The following TRPC6 variants were observed in gnomAD, a reference collection of about 807,000 sequenced individuals.
TRPC6 encodes short transient receptor potential channel 6.
In TRPC6, 55 loss-of-function variants were observed where a neutral mutation model predicts 90.7. The observed-to-expected ratio is 0.61, with a 90% confidence interval of 0.49 to 0.76. TRPC6 has a LOEUF of 0.76. Among genes scored for constraint, TRPC6 ranks in the 30% least tolerant of loss-of-function variants. TRPC6 has a pLI of 0.00. For synonymous variants in TRPC6, 393 were observed against 393.0 expected, an observed-to-expected ratio of 1.00 and a Z score of 0.00; for missense variants, 989 against 1,122.7, an observed-to-expected ratio of 0.88 and a Z score of 1.70.
At chr11:101,530,087 C>T (rs1860874513) in intron 1 of TRPC6, among the ~76,000 whole-genome samples, 1 of 152,146 alleles carries the variant, frequency 6.6e-6, no homozygotes, top group Non-Finnish European at 1.5e-5. Flanking sequence ...TAACTCAGCT[C>T]TAGCCCCTCA....
At chr11:101,471,576 G>T (rs1859293065) in intron 8 of TRPC6, among the ~76,000 whole-genome samples, 190 bp from the exon 9 acceptor site, 1 of 152,054 alleles carries the variant, frequency 6.6e-6, no homozygotes, top group Admixed American at 6.6e-5. Flanking sequence ...CTAAAATTTT[G>T]ACAGTCTTGC....
At chr11:101,529,670 A>G (rs1366847136) in intron 1 of TRPC6, among the ~76,000 whole-genome samples, 2 of 152,214 alleles carry the variant, frequency 1.3e-5, no homozygotes, top group East Asian at 1.9e-4. Context: ...TACAATTTTA[A>G]ACATGTTTTT....
At chr11:101,555,516 C>T (rs1317019499) in intron 1 of TRPC6, among the ~76,000 whole-genome samples, 1 of 152,176 alleles carries the variant, frequency 6.6e-6, no homozygotes, top group Admixed American at 6.6e-5. Context: ...TTTCCGCATC[C>T]TGGTATGAAT....
At position 101,473,548 on chromosome 11, in the gene TRPC6, G is replaced by A; in HGVS notation, c.1970C>T (p.Ser657Phe). 1 of 1,613,498 alleles carries A rather than the reference G, an allele frequency of 6.2e-7. No homozygotes were observed. The highest frequency in any genetic ancestry group is 8.5e-7 in the Non-Finnish European group (1 of 1,179,666). The part of the protein sequence containing the change: ...AFMIGMFNLY[S>F]YYIGAKQNEA... ...ATTTTGTTTTGCACCAATGTAGTAG[G>A]AGTAGAGATTGAACATTCCAATCAT... Residue 657 changes from serine to phenylalanine, a missense_variant, in exon 7 of 13, where the codon TCC becomes TTC. Physicochemically the swap from Ser to Phe is radical, Grantham distance 155 (BLOSUM62 -2). Around this residue, in one of 4 missense-constraint regions of TRPC6, gnomAD observed 118 missense variants for 197.6 expected, o/e 0.60. Transcript: ENST00000344327.
intron 4 of TRPC6, among the ~76,000 whole-genome samples, chr11:101,487,578 C>T (rs1215955770): frequency 2.0e-5 from 3 of 151,766 alleles, no homozygotes; most frequent in Middle Eastern, 3.2e-3. Context: ...TTCCACACTC[C>T]ATGTCCATGT....
At position 101,574,311 on chromosome 11, in the gene TRPC6, T is replaced by C. The variant is rs1357442711; in HGVS notation, c.170+9023A>G. On this transcript the variant is annotated intron_variant, in intron 1 of 12. Coordinates refer to ENST00000344327, the MANE Select transcript of TRPC6 (RefSeq NM_004621.6). ...TTTTTAATTATGTGCATAAGAGTTA[T>C]ATATGATCCAAATCTATATCTAATT... Among the ~76,000 whole-genome samples the C allele has an allele frequency of 2.0e-5, 3 of 151,222 alleles. 1 individual carries two copies. Among genetic ancestry groups the C allele is most frequent in the Admixed American group, 2.0e-4 (3 of 15,208 alleles).
chr11:101,518,368 C>A (rs1002060131), intron 1 of TRPC6, among the ~76,000 whole-genome samples: 1 of 151,928 alleles, frequency 6.6e-6, no homozygotes, highest in Non-Finnish European at 1.5e-5. Context: ...ATAATCTAAT[C>A]GAAAAATAGG....
At chr11:101,453,624 C>A (rs1858815076) in intron 12 of TRPC6, 26 bp downstream of exon 12, 1 of 1,610,796 alleles carries the variant, frequency 6.2e-7, no homozygotes, top group Non-Finnish European at 8.5e-7. Flanking sequence ...CATTCAGGGG[C>A]TGATTTGCTT....
intron 4 of TRPC6, among the ~76,000 whole-genome samples, chr11:101,488,379 C>T (rs1028269507): frequency 1.8e-4 from 27 of 152,162 alleles, no homozygotes; most frequent in African/African-American, 6.0e-4. Context: ...TTCTGGTGTA[C>T]TTAGTCCCTA....
In TRPC6 at chr11:101,501,030, G is replaced by C. The variant is rs143575857; in HGVS notation, c.945+2994C>G. Among the ~76,000 whole-genome samples the C allele has an allele frequency of 7.2e-3, 1,089 of 152,090 alleles. 3 individuals are homozygous for C. Among genetic ancestry groups the C allele is most frequent in the Non-Finnish European group, 0.011 (780 of 67,996 alleles). On this transcript the variant is annotated intron_variant, in intron 2 of 12. Transcript: ENST00000344327. ...AAAAAATAGGTATCAATTTTAAACT[G>C]TGTGAATGAACACAGTTTTTCAAAC...
chr11:101,572,862 G>C (rs73584499), intron 1 of TRPC6, among the ~76,000 whole-genome samples: 4,345 of 152,184 alleles, frequency 0.029, 121 homozygotes, highest in African/African-American at 0.068. Context: ...CTTTCAGGGG[G>C]TGAGGGGCTA....
rs144563246 is a variant in TRPC6 at position 101,511,546 on chromosome 11, C to G, written c.171-6748G>C. On this transcript the variant is annotated intron_variant, in intron 1 of 12. Transcript: ENST00000344327. ...AAAGGAACAAAATATAAAGGTTGAGCCACAGTGTGTTCTAGTGTAAATATA... is the reference window on the plus strand; with the variant it reads ...AAAGGAACAAAATATAAAGGTTGAGGCACAGTGTGTTCTAGTGTAAATATA... Among the ~76,000 whole-genome samples the G allele has an allele frequency of 1.4e-3, 215 of 152,196 alleles. 2 individuals are homozygous for G. Among genetic ancestry groups the G allele is most frequent in the African/African-American group, 4.8e-3 (200 of 41,508 alleles).
chr11:101,496,655 AC>A (rs1417518052), intron 2 of TRPC6, among the ~76,000 whole-genome samples: 1 of 152,066 alleles, frequency 6.6e-6, no homozygotes, highest in Non-Finnish European at 1.5e-5. Flanking sequence ...GTTAGCTTTT[AC>A]TCTTCCCTTT....
intron 1 of TRPC6, among the ~76,000 whole-genome samples, chr11:101,569,875 T>G (rs777093903): frequency 6.6e-6 from 1 of 152,166 alleles, no homozygotes; most frequent in African/African-American, 2.4e-5. Context: ...AATCAGTGTT[T>G]AGAGGGAAAT....
chr11:101,541,095 G>A (rs1340245661), intron 1 of TRPC6, among the ~76,000 whole-genome samples: 1 of 152,176 alleles, frequency 6.6e-6, no homozygotes, highest in Non-Finnish European at 1.5e-5. Flanking sequence ...AATAGAAAAT[G>A]TATATTAATG....
At chr11:101,465,053 C>T (rs1016446902) in intron 10 of TRPC6, among the ~76,000 whole-genome samples, 3 of 152,120 alleles carry the variant, frequency 2.0e-5, no homozygotes, top group African/African-American at 7.2e-5. Flanking sequence ...ACTTGTGAAG[C>T]TTAGTTTGGT....
chr11:101,465,954 C>T (rs12797690), intron 10 of TRPC6, among the ~76,000 whole-genome samples: 90 of 152,114 alleles, frequency 5.9e-4, no homozygotes, highest in Non-Finnish European at 1.1e-3. Context: ...ATCTACCTTT[C>T]GTCTTTGATG....
chr11:101,488,786 C>T, intron 4 of TRPC6, 151 bp downstream of exon 4: 4 of 844,640 alleles, frequency 4.7e-6, no homozygotes, highest in South Asian at 1.7e-5. Flanking sequence ...TTATTTAAAC[C>T]CAAACAGGAA....
chr11:101,532,422 G>C (rs1035867377), intron 1 of TRPC6, among the ~76,000 whole-genome samples: 1 of 152,164 alleles, frequency 6.6e-6, no homozygotes, highest in Non-Finnish European at 1.5e-5. Context: ...GTTTGAGATA[G>C]ATCTTATTCT....
Sources: allele counts gnomAD v4.1 joint callset (sites outside exome capture counted in the v4.1 genomes callset), GRCh38; gene constraint gnomAD v4.1.1; regional missense constraint gnomAD v4.1.1; transcripts MANE v1.5; gene names NCBI Gene and HGNC (gene_info 2026-07-23, HGNC 2026-07-21).